Variants in TINAG observed in about 807,000 individuals in gnomAD.
The protein encoded by TINAG is tubulointerstitial nephritis antigen.
Under a neutral mutation model 72.7 loss-of-function variants are expected in TINAG, and 83 were observed. That is an observed-to-expected ratio of 1.14 (90% CI 0.96 to 1.37). TINAG has a LOEUF of 1.37. Ranked by LOEUF, TINAG falls within the 40% of genes most tolerant of loss-of-function variation. The pLI, the probability that TINAG is intolerant of heterozygous loss-of-function variation, is 0.00. For synonymous variants in TINAG, 234 were observed against 189.9 expected, an observed-to-expected ratio of 1.23 and a Z score of -1.91; for missense variants, 685 against 576.6, an observed-to-expected ratio of 1.19 and a Z score of -1.93.
chr6:54,382,017 A>T (rs957013000), intron 10 of TINAG, among the ~76,000 whole-genome samples: 1 of 152,102 alleles, frequency 6.6e-6, no homozygotes, highest in South Asian at 2.1e-4. Flanking sequence ...ACACACACAT[A>T]CACATACGCT....
At position 54,313,546 on chromosome 6, in the gene TINAG, ATTCAT is replaced by A. The variant is rs200532986; in HGVS notation, c.355+4643_355+4647del. ...CTAAGCACTTTTCAGGTATTAACTC[ATTCAT>A]TATTTAATTCTATGTTGTTTAATAG... is the stretch of plus-strand genomic sequence containing the variant. On this transcript the variant is annotated intron_variant, in intron 1 of 10. Transcript: ENST00000259782. Among the ~76,000 whole-genome samples, 3,661 of 152,222 alleles carry A rather than the reference ATTCAT, an allele frequency of 0.024. 262 individuals are homozygous for A. The East Asian group carries it at 0.29, about 12-fold the overall frequency.
At chr6:54,382,867 A>G (rs1410872910) in intron 10 of TINAG, among the ~76,000 whole-genome samples, 1 of 152,158 alleles carries the variant, frequency 6.6e-6, no homozygotes, top group African/African-American at 2.4e-5. Flanking sequence ...AAGGAAGGAA[A>G]AATCTTTCAT....
chr6:54,375,333 A>T (rs1347024112), intron 9 of TINAG, among the ~76,000 whole-genome samples: 6 of 152,148 alleles, frequency 3.9e-5, no homozygotes, highest in Non-Finnish European at 8.8e-5. Context: ...ATTAATTTAA[A>T]GGTTTATGTG....
chr6:54,370,608 ATAAAG>A (rs1278271903), intron 9 of TINAG, among the ~76,000 whole-genome samples: 2 of 152,074 alleles, frequency 1.3e-5, no homozygotes, highest in Admixed American at 6.6e-5. Flanking sequence ...GGTAAATAAA[ATAAAG>A]TAAATTATGA....
At chr6:54,351,265 T>C (rs1237401893) in intron 7 of TINAG, 87 bp from the exon 8 acceptor site, 7 of 1,191,268 alleles carry the variant, frequency 5.9e-6, no homozygotes, top group Admixed American at 4.2e-5. Flanking sequence ...TGAGAGTAAA[T>C]TGCAAACACT....
chr6:54,323,406 T>C (rs1040212619), intron 3 of TINAG, among the ~76,000 whole-genome samples: 2 of 152,214 alleles, frequency 1.3e-5, no homozygotes, highest in African/African-American at 4.8e-5. Flanking sequence ...CTCAAATTGT[T>C]TTTATGTGTA....
At chr6:54,318,252 T>C (rs1784416470) in intron 1 of TINAG, among the ~76,000 whole-genome samples, 1 of 152,186 alleles carries the variant, frequency 6.6e-6, no homozygotes, top group Non-Finnish European at 1.5e-5. Context: ...TAAACTGCTG[T>C]CTACTTGATA....
intron 4 of TINAG, among the ~76,000 whole-genome samples, chr6:54,342,061 G>A (rs1785008745): frequency 6.8e-6 from 1 of 147,938 alleles, no homozygotes; most frequent in Admixed American, 6.7e-5. Flanking sequence ...GAAATGATTG[G>A]GGTGTGTGTG....
chr6:54,371,922 G>T (rs564598714), intron 9 of TINAG, among the ~76,000 whole-genome samples: 1 of 148,950 alleles, frequency 6.7e-6, no homozygotes, highest in East Asian at 2.0e-4. Context: ...TGGGAGCAAT[G>T]GATTATACAA....
At chr6:54,327,342 G>A in intron 4 of TINAG, 1 of 577,248 alleles carries the variant, frequency 1.7e-6, no homozygotes, top group Non-Finnish European at 2.6e-6. Context: ...CCCAGGAAGA[G>A]CAAGGAGGCT....
intron 4 of TINAG, among the ~76,000 whole-genome samples, chr6:54,338,585 G>A (rs1313591826): frequency 6.6e-6 from 1 of 151,864 alleles, no homozygotes; most frequent in African/African-American, 2.4e-5. Context: ...TTAGCCGGGT[G>A]TGGTGGCACG....
intron 10 of TINAG, among the ~76,000 whole-genome samples, chr6:54,384,067 G>C (rs564863523): frequency 2.0e-5 from 3 of 152,088 alleles, no homozygotes; most frequent in Non-Finnish European, 4.4e-5. Context: ...CATGGATGAA[G>C]CTGGAAACCA....
At chr6:54,319,819 G>A (rs1784448621) in intron 1 of TINAG, among the ~76,000 whole-genome samples, 1 of 152,112 alleles carries the variant, frequency 6.6e-6, no homozygotes, top group Non-Finnish European at 1.5e-5. Context: ...ACAAAGTTGA[G>A]TCCCTTTTGC....
chr6:54,359,646 T>A (rs1356895338), intron 9 of TINAG, among the ~76,000 whole-genome samples: 1 of 151,830 alleles, frequency 6.6e-6, no homozygotes, highest in South Asian at 2.1e-4. Context: ...AAAATTGGGA[T>A]CTTTATAAAT....
intron 9 of TINAG, among the ~76,000 whole-genome samples, chr6:54,361,264 G>T (rs1329242582): frequency 6.6e-6 from 1 of 151,588 alleles, no homozygotes; most frequent in African/African-American, 2.4e-5. Flanking sequence ...AAAGGAAGAT[G>T]TATTAGTCCA....
intron 6 of TINAG, among the ~76,000 whole-genome samples, chr6:54,348,147 T>C (rs933268164): frequency 1.3e-5 from 2 of 152,120 alleles, no homozygotes; most frequent in Admixed American, 1.3e-4. Context: ...TATGTACTGC[T>C]CACTTGCTCT....
chr6:54,368,820 TTTAAAAACTACTA>T (rs968256266), intron 9 of TINAG, among the ~76,000 whole-genome samples: 35 of 151,910 alleles, frequency 2.3e-4, no homozygotes, highest in African/African-American at 8.2e-4. Flanking sequence ...ATTTTTACTT[TTTAAAAACTACTA>T]TTAAGTACCG....
At position 54,342,348 on chromosome 6, in the gene TINAG, C is replaced by T. The variant is rs1343783798; in HGVS notation, c.625-878C>T. On this transcript the variant is annotated intron_variant, in intron 4 of 10. Coordinates refer to ENST00000259782, the MANE Select transcript of TINAG (RefSeq NM_014464.4). ...ATAATTTTGCACCGTTGCTCTTTCA[C>T]ACTTCCTGAAGTCTTTTTTTTTTTT... Among the ~76,000 whole-genome samples, 3 of 151,486 alleles carry T rather than the reference C, an allele frequency of 2.0e-5. No homozygotes were observed. The South Asian group carries it at 6.2e-4, about 31-fold the overall frequency.
rs58742359 is a variant in TINAG, at chr6:54,309,844, CAAA to C, written c.355+953_355+955del. 9.0e-3 allele frequency among the ~76,000 whole-genome samples: 1,268 copies of C among 141,232 alleles called. 21 individuals carry two copies. Among genetic ancestry groups the C allele is most frequent in the African/African-American group, 0.031 (1,209 of 39,094 alleles). 92.7% of individuals were successfully genotyped at this position (141,232 alleles called of 152,430 possible). ...TTAAAGAGTCAGAGCAAGACTGTGT[CAAA>C]AAAAAAAAAAAAATCCAGATGCCAT... is the stretch of plus-strand genomic sequence containing the variant. On this transcript the variant is annotated intron_variant, in intron 1 of 10. Transcript: ENST00000259782.
Sources: allele counts gnomAD v4.1 joint callset (sites outside exome capture counted in the v4.1 genomes callset), GRCh38; gene constraint gnomAD v4.1.1; transcripts MANE v1.5; gene names NCBI Gene and HGNC (gene_info 2026-07-23, HGNC 2026-07-21).